TMEM178B: variants seen among roughly 807,000 people sequenced by gnomAD.
TMEM178B encodes the protein transmembrane protein 178B.
A neutral mutation model predicts 31.0 loss-of-function variants in TMEM178B; 5 were observed. The ratio of observed to expected loss-of-function variants is 0.16; its 90% CI spans 0.08 to 0.34. TMEM178B has a LOEUF of 0.34. Among genes scored for constraint, TMEM178B ranks in the 10% least tolerant of loss-of-function variants. TMEM178B has a pLI of 1.00. For missense variants in TMEM178B, 275 were observed against 400.3 expected (o/e 0.69, Z 2.67); for synonymous variants, 164 against 164.0 (o/e 1.00, Z 0.00).
At chr7:141,089,058 T>C (rs531330050) in intron 1 of TMEM178B, among the ~76,000 whole-genome samples, 21 of 152,272 alleles carry the variant, frequency 1.4e-4, no homozygotes, top group Non-Finnish European at 2.6e-4. Context: ...TGCAAAACCC[T>C]GTGGATAAAA....
At position 141,438,309 on chromosome 7, in the gene TMEM178B, C is replaced by T. The variant is rs549445693; in HGVS notation, c.634+564C>T. ...CATGTGCATAGGACCACTCCAGTGT[C>T]CCTCTAAAGGGATTCTACATAAGGA... On this transcript the variant is annotated intron_variant, in intron 3 of 3. Transcript: ENST00000565468. 9.3e-4 allele frequency among the ~76,000 whole-genome samples: 142 copies of T among 152,230 alleles called. 2 individuals are homozygous for T. The highest frequency in any genetic ancestry group is 3.4e-3 in the Middle Eastern group (1 of 294).
At chr7:141,086,536 A>G (rs1030395041) in intron 1 of TMEM178B, among the ~76,000 whole-genome samples, 10 of 152,224 alleles carry the variant, frequency 6.6e-5, no homozygotes, top group African/African-American at 1.9e-4. Context: ...AGGTAAAACA[A>G]TATTAGATAT....
At chr7:141,337,298 T>TCAC (rs1170005211) in intron 2 of TMEM178B, among the ~76,000 whole-genome samples, 3 of 113,590 alleles carry the variant, frequency 2.6e-5, no homozygotes, top group Non-Finnish European at 3.7e-5. Context: ...ACCATCCCCA[T>TCAC]CACCACCACC....
intron 1 of TMEM178B, among the ~76,000 whole-genome samples, chr7:141,192,599 C>A (rs1163881408): frequency 2.0e-5 from 3 of 151,808 alleles, no homozygotes; most frequent in Non-Finnish European, 4.4e-5. Flanking sequence ...CGAATAGCTG[C>A]GACTACAGGC....
chr7:141,490,598 TG>T, the TMEM178B span, among the ~76,000 whole-genome samples: 1 of 152,254 alleles, frequency 6.6e-6, no homozygotes, highest in African/African-American at 2.4e-5. Context: ...CCAACTGCTT[TG>T]TGGTACTTTG....
chr7:141,213,754 G>A (rs1355820550), intron 2 of TMEM178B, among the ~76,000 whole-genome samples: 3 of 152,302 alleles, frequency 2.0e-5, no homozygotes, highest in Non-Finnish European at 2.9e-5. Flanking sequence ...ACAGCTTCGG[G>A]TGGGAGTGGG....
intron 2 of TMEM178B, among the ~76,000 whole-genome samples, chr7:141,295,869 A>G (rs1441308614): frequency 6.6e-6 from 1 of 152,108 alleles, no homozygotes; most frequent in Non-Finnish European, 1.5e-5. Context: ...AAATCTGAAG[A>G]CGGCCCAGCC....
Position 141,461,986 on chromosome 7 carries a change from A to G in TMEM178B, c.635-8550A>G, listed in dbSNP as rs1264895904. 6.6e-6 allele frequency among the ~76,000 whole-genome samples: 1 copy of G among 152,188 alleles called. No individual in the cohort carries two copies. Among genetic ancestry groups the G allele is most frequent in the African/African-American group, 2.4e-5 (1 of 41,444 alleles). On this transcript the variant is annotated intron_variant, in intron 3 of 3. Transcript: ENST00000565468. The surrounding 1 kb of genome is among the most constrained non-coding windows in gnomAD (Gnocchi z 4.0). ...GCTATCCCTACCTGGCACTTCTAAC[A>G]TTAGCGACGCATTCCAGGGATCCAA... is the stretch of plus-strand genomic sequence containing the variant.
At chr7:141,165,374 C>A (rs1461199765) in intron 1 of TMEM178B, among the ~76,000 whole-genome samples, 1 of 152,154 alleles carries the variant, frequency 6.6e-6, no homozygotes, top group Non-Finnish European at 1.5e-5. Context: ...CTGATGTTAT[C>A]TCACGGAATA....
At chr7:141,411,127 T>C (rs914555036) in intron 2 of TMEM178B, among the ~76,000 whole-genome samples, 2 of 151,514 alleles carry the variant, frequency 1.3e-5, no homozygotes, top group East Asian at 1.9e-4. Flanking sequence ...GAGGATGAGA[T>C]GGAGAGTTAA....
intron 1 of TMEM178B, among the ~76,000 whole-genome samples, chr7:141,188,743 T>C (rs1372149405): frequency 6.6e-6 from 1 of 152,240 alleles, no homozygotes; most frequent in African/African-American, 2.4e-5. Context: ...CTGGTGATTG[T>C]GACCTTGAGG....
At chr7:141,403,137 C>T (rs571541647) in intron 2 of TMEM178B, among the ~76,000 whole-genome samples, 1 of 152,194 alleles carries the variant, frequency 6.6e-6, no homozygotes, top group Admixed American at 6.5e-5. Context: ...AAGCAAAACA[C>T]CGTGACAAAG....
chr7:141,445,865 C>G (rs1355353843), intron 3 of TMEM178B, among the ~76,000 whole-genome samples: 1 of 152,218 alleles, frequency 6.6e-6, no homozygotes, highest in African/African-American at 2.4e-5. Flanking sequence ...TGAGATTTCA[C>G]TAGAACATCA....
At chr7:141,131,285 G>T (rs934987883) in intron 1 of TMEM178B, among the ~76,000 whole-genome samples, 5 of 152,088 alleles carry the variant, frequency 3.3e-5, no homozygotes, top group Admixed American at 2.6e-4. Flanking sequence ...GTATTTTTGT[G>T]TGCTCTTTAT....
the TMEM178B span, among the ~76,000 whole-genome samples, chr7:141,490,380 A>G: frequency 6.6e-6 from 1 of 152,220 alleles, no homozygotes; most frequent in African/African-American, 2.4e-5. Flanking sequence ...AAATTTGGAC[A>G]CAGAGACGTG....
chr7:141,081,028 A>G (rs551862587), intron 1 of TMEM178B, among the ~76,000 whole-genome samples: 1 of 152,314 alleles, frequency 6.6e-6, no homozygotes, highest in South Asian at 2.1e-4. Flanking sequence ...TATACTTCTA[A>G]TCATTGTTTT....
In TMEM178B at chr7:141,476,561, C is replaced by G. The variant is rs940280416; in HGVS notation, c.*5775C>G. 6.6e-6 allele frequency: 1 copy of G among 152,150 alleles called. No homozygotes were observed. Among genetic ancestry groups the G allele is most frequent in the African/African-American group, 2.4e-5 (1 of 41,426 alleles). 9.4% of individuals were successfully genotyped at this position (152,150 alleles called of 1,614,324 possible). A position where few individuals can be genotyped will look rare whatever the true frequency, so the allele number is the denominator to read the frequency against. ...TTTCAAGTTTAGGATGAGACCAAGT[C>G]TCAAGGAGCTGGGATCTTCTTTCTC... On this transcript the variant is annotated 3_prime_UTR_variant, in exon 4 of 4. Transcript: ENST00000565468.
At chr7:141,196,053 C>T (rs1412482032) in intron 1 of TMEM178B, among the ~76,000 whole-genome samples, 1 of 152,086 alleles carries the variant, frequency 6.6e-6, no homozygotes, top group African/African-American at 2.4e-5. Context: ...GGGACACAGC[C>T]AAAGCATATC....
At chr7:141,455,014 C>T (rs1485096723) in intron 3 of TMEM178B, among the ~76,000 whole-genome samples, 1 of 152,114 alleles carries the variant, frequency 6.6e-6, no homozygotes, top group Non-Finnish European at 1.5e-5. Flanking sequence ...TCCTGATGGG[C>T]TGAAGTCCAT....
Sources: allele counts gnomAD v4.1 joint callset (sites outside exome capture counted in the v4.1 genomes callset), GRCh38; gene constraint gnomAD v4.1.1; non-coding constraint Gnocchi (gnomAD v3.1); transcripts MANE v1.5; gene names NCBI Gene and HGNC (gene_info 2026-07-23, HGNC 2026-07-21).